The following SUCLG2 variants were observed in gnomAD, a reference collection of about 807,000 sequenced individuals.
SUCLG2 encodes the protein succinate-CoA ligase GDP-forming subunit beta, also known as succinate--CoA ligase [GDP-forming] subunit beta, mitochondrial.
In SUCLG2, 42 loss-of-function variants were observed where a neutral mutation model predicts 47.9. The ratio of observed to expected loss-of-function variants is 0.88; its 90% CI spans 0.69 to 1.14. The LOEUF (loss-of-function observed/expected upper bound fraction) is 1.14. Among genes scored for constraint, SUCLG2 ranks in the 50% most tolerant of loss-of-function variants. SUCLG2 has a pLI of 0.00. For missense variants in SUCLG2, 571 were observed against 525.9 expected (o/e 1.09, Z -0.84); for synonymous variants, 195 against 197.3 (o/e 0.99, Z 0.10).
intron 9 of SUCLG2, among the ~76,000 whole-genome samples, chr3:67,448,077 T>C (rs1363031467): frequency 6.6e-6 from 1 of 152,196 alleles, no homozygotes; most frequent in African/African-American, 2.4e-5. Context: ...ATTAATATGT[T>C]GCTTTAGCCG....
At chr3:67,396,872 G>A (rs1198861301) in intron 10 of SUCLG2, among the ~76,000 whole-genome samples, 4 of 151,938 alleles carry the variant, frequency 2.6e-5, no homozygotes, top group East Asian at 1.9e-4. Context: ...TTCAATATAC[G>A]AAAATAAATA....
At chr3:67,618,757 A>G (rs1559599369) in intron 1 of SUCLG2, among the ~76,000 whole-genome samples, 1 of 152,234 alleles carries the variant, frequency 6.6e-6, no homozygotes, top group Non-Finnish European at 1.5e-5. Flanking sequence ...GTATGAACAA[A>G]TAAAGCAGCT....
chr3:67,390,067 G>C (rs1252137876), intron 10 of SUCLG2, among the ~76,000 whole-genome samples: 1 of 152,202 alleles, frequency 6.6e-6, no homozygotes, highest in East Asian at 1.9e-4. Flanking sequence ...TATTTATTAA[G>C]TACTTTCTAA....
At chr3:67,590,233 T>A (rs11711916) in intron 2 of SUCLG2, among the ~76,000 whole-genome samples, 69,437 of 152,010 alleles carry the variant, frequency 0.46, 16,923 homozygotes, top group Admixed American at 0.55. Flanking sequence ...AATTTTAAAA[T>A]ATTTCTATTA....
chr3:67,514,907 C>A (rs776150344), intron 6 of SUCLG2, among the ~76,000 whole-genome samples: 1 of 152,118 alleles, frequency 6.6e-6, no homozygotes, highest in Non-Finnish European at 1.5e-5. Flanking sequence ...GATCCCTGAC[C>A]ATTGACATCA....
chr3:67,573,197 A>T (rs1707661700), intron 2 of SUCLG2, among the ~76,000 whole-genome samples: 2 of 152,198 alleles, frequency 1.3e-5, no homozygotes, highest in East Asian at 3.9e-4. Flanking sequence ...ATGTTCACAG[A>T]CTGGAAGATT....
intron 2 of SUCLG2, among the ~76,000 whole-genome samples, chr3:67,549,654 A>G (rs1468595737): frequency 6.6e-6 from 1 of 152,214 alleles, no homozygotes; most frequent in Non-Finnish European, 1.5e-5. Flanking sequence ...TCAAATTTAA[A>G]TAAAAGATGT....
At chr3:67,422,410 G>A (rs912032095) in intron 9 of SUCLG2, among the ~76,000 whole-genome samples, 5 of 137,770 alleles carry the variant, frequency 3.6e-5, no homozygotes, top group African/African-American at 1.1e-4. Flanking sequence ...GGGAAGTGGA[G>A]GTTGCAGTGA....
At chr3:67,595,472 C>T (rs1414836251) in intron 2 of SUCLG2, among the ~76,000 whole-genome samples, 1 of 152,106 alleles carries the variant, frequency 6.6e-6, no homozygotes, top group Non-Finnish European at 1.5e-5. Flanking sequence ...GGAGTCTGCC[C>T]AGTATAGGGA....
intron 10 of SUCLG2, among the ~76,000 whole-genome samples, chr3:67,363,702 T>C (rs921238955): frequency 6.6e-6 from 1 of 152,130 alleles, no homozygotes; most frequent in South Asian, 2.1e-4. Context: ...ACAGAAAGCA[T>C]GACTGTGGTT....
At chr3:67,364,564 A>C (rs1484814648) in intron 10 of SUCLG2, among the ~76,000 whole-genome samples, 5 of 152,280 alleles carry the variant, frequency 3.3e-5, no homozygotes, top group African/African-American at 1.2e-4. Context: ...GAAAAGTCAG[A>C]GTGCCCACCC....
At chr3:67,466,662 T>C (rs1212368498) in intron 9 of SUCLG2, among the ~76,000 whole-genome samples, 1 of 152,216 alleles carries the variant, frequency 6.6e-6, no homozygotes, top group Non-Finnish European at 1.5e-5. Context: ...TCGATTTTTA[T>C]ATGGCAAAAC....
chr3:67,396,299 A>G (rs1702527721), intron 10 of SUCLG2, among the ~76,000 whole-genome samples: 1 of 152,154 alleles, frequency 6.6e-6, no homozygotes, highest in Non-Finnish European at 1.5e-5. Context: ...AAGAAAAGAG[A>G]GAGGAATCAA....
chr3:67,598,080 C>T (rs1708335581), intron 2 of SUCLG2, among the ~76,000 whole-genome samples: 1 of 151,822 alleles, frequency 6.6e-6, no homozygotes, highest in Admixed American at 6.6e-5. Context: ...TCCTGGGTTC[C>T]AGCAATTTTC....
chr3:67,625,152 G>C (rs891288159), intron 1 of SUCLG2, among the ~76,000 whole-genome samples: 6 of 152,330 alleles, frequency 3.9e-5, no homozygotes, highest in South Asian at 2.1e-4. Context: ...GAAGTGAAGA[G>C]AGAATGAGGC....
chr3:67,431,610 C>T (rs1309534025), intron 9 of SUCLG2, among the ~76,000 whole-genome samples: 1 of 152,060 alleles, frequency 6.6e-6, no homozygotes, highest in East Asian at 1.9e-4. Context: ...AAGCTGGAAA[C>T]CATCATTCTC....
At chr3:67,481,348 G>A (rs1704910692) in intron 9 of SUCLG2, among the ~76,000 whole-genome samples, 1 of 152,202 alleles carries the variant, frequency 6.6e-6, no homozygotes, top group Non-Finnish European at 1.5e-5. Context: ...CGTGGACCAG[G>A]ACTTCTTGGT....
chr3:67,360,627 C>A, exon 11 of SUCLG2: 1 of 1,503,890 alleles, frequency 6.6e-7, no homozygotes, highest in Non-Finnish European at 8.8e-7. Context: ...CAAAGTAAAT[C>A]TTTAACATAA....
intron 2 of SUCLG2, among the ~76,000 whole-genome samples, chr3:67,553,179 C>T (rs980640275): frequency 6.6e-6 from 1 of 152,098 alleles, no homozygotes; most frequent in East Asian, 1.9e-4. Context: ...GCCATCTTAG[C>T]CCAGACAATG....
Sources: allele counts gnomAD v4.1 joint callset (sites outside exome capture counted in the v4.1 genomes callset), GRCh38; gene constraint gnomAD v4.1.1; transcripts MANE v1.5; gene names NCBI Gene and HGNC (gene_info 2026-07-23, HGNC 2026-07-21).